HDAC7: variants seen among roughly 807,000 people sequenced by gnomAD.
The protein encoded by HDAC7 is histone deacetylase 7A.
Under a neutral mutation model 115.5 loss-of-function variants are expected in HDAC7, and 26 were observed. The ratio of observed to expected loss-of-function variants is 0.23; its 90% CI spans 0.16 to 0.31. HDAC7 has a LOEUF of 0.31. HDAC7 is among the 10% of genes least tolerant of loss of function. The pLI, the probability that HDAC7 is intolerant of heterozygous loss-of-function variation, is 1.00. For missense variants in HDAC7, 1,068 were observed against 1,329.0 expected (o/e 0.80, Z 3.05); for synonymous variants, 564 against 550.9 (o/e 1.02, Z -0.33).
At chr12:47,791,533 G>A (rs756682319) in intron 15 of HDAC7, 53 bp downstream of exon 15, 5 of 1,564,954 alleles carry the variant, frequency 3.2e-6, no homozygotes, top group Admixed American at 3.7e-5. Flanking sequence ...AGGAGTGCAT[G>A]GGAGCTGGGT....
At position 47,785,490 on chromosome 12, in the gene HDAC7, C is replaced by G. The variant is rs74085221; in HGVS notation, c.2707-19G>C. 7.2e-4 allele frequency: 1,159 copies of G among 1,599,118 alleles called. 14 individuals carry two copies. In the African/African-American group the frequency reaches 0.014, roughly 19 times the overall value. On this transcript the variant is annotated intron_variant, in intron 23 of 25. Transcript: ENST00000080059. ...GATCCACCTATAGAAAACAGTACAT[C>G]AGCCACCAGTCTCTCAGGGACCCAC...
In HDAC7 at chr12:47,798,120, C is replaced by A; in HGVS notation, c.449G>T (p.Gly150Val). ...LERTVHPNSP[G>V]IPYRTLEPLE... ...AGGAGGGTGTTACCTGTAGGGAATG[C>A]CGGGGCTGTTGGGATGGACTGTTCT... The change falls in exon 5 of 26, where the codon GGC (glycine) becomes GTC (valine). Residue 150 changes from glycine to valine, a missense_variant. This residue lies in a region of HDAC7 where 618 missense variants were observed against 701.5 expected (regional missense o/e 0.88). Transcript: ENST00000080059. This position sits in a 1 kb window ranked among gnomAD's most constrained non-coding sequence, Gnocchi z 4.3. 6.2e-7 allele frequency: 1 copy of A among 1,612,988 alleles called. No individual in the cohort carries two copies. The highest frequency in any genetic ancestry group is 8.5e-7 in the Non-Finnish European group (1 of 1,179,222).
chr12:47,784,483 C>G (rs1592622192), intron 24 of HDAC7: 1 of 602,068 alleles, frequency 1.7e-6, no homozygotes, highest in Admixed American at 3.1e-5. Flanking sequence ...CCTGTGGCTG[C>G]AAGGCCACCT....
chr12:47,789,924 C>CG lies in HDAC7; in HGVS notation c.1984-5dup, dbSNP rs1565797946. On this transcript the variant is annotated splice_polypyrimidine_tract_variant and splice_region_variant and intron_variant, in intron 16 of 25. Transcript: ENST00000080059. The stretch of plus-strand genomic sequence containing the variant: ...TCCAGATGGTGTCAGTGTCCACCTG[C>CG]GGGAGCCAGAGTCAGGGCCCGCATC... The CG allele has an allele frequency of 6.2e-7, 1 of 1,606,482 alleles. No homozygotes were observed.
intron 13 of HDAC7, chr12:47,792,819 T>C: frequency 2.6e-6 from 1 of 388,422 alleles, no homozygotes. Context: ...TAAAGACTAA[T>C]TATGCCAAGA....
chr12:47,787,947 A>G (rs1934756831), intron 20 of HDAC7, 98 bp downstream of exon 20: 4 of 1,571,090 alleles, frequency 2.5e-6, no homozygotes, highest in East Asian at 2.3e-5. Flanking sequence ...GAGGCTCAGC[A>G]GTCTGCCCAG....
At chr12:47,807,362 T>G (rs1386732340) in intron 1 of HDAC7, among the ~76,000 whole-genome samples, 1 of 152,206 alleles carries the variant, frequency 6.6e-6, no homozygotes, top group Non-Finnish European at 1.5e-5. Flanking sequence ...ACCCTACATT[T>G]GCTAACTTAT....
At chr12:47,796,109 C>A (rs562158619) in intron 8 of HDAC7, 93 bp from the exon 9 acceptor site, 1 of 1,507,004 alleles carries the variant, frequency 6.6e-7, no homozygotes, top group East Asian at 2.4e-5. Context: ...GCAGGGGCTG[C>A]CCAGACCCTG....
At chr12:47,789,400 T>C (rs928389745) in intron 18 of HDAC7, 52 bp from the exon 19 acceptor site, 2 of 1,578,468 alleles carry the variant, frequency 1.3e-6, no homozygotes, top group African/African-American at 2.7e-5. Context: ...TGCCCTCACC[T>C]CCCCAGGCCC....
Position 47,798,982 on chromosome 12 carries a change from G to A in HDAC7, c.71-10C>T, listed in dbSNP as rs1241627296. 6.8e-7 allele frequency: 1 copy of A among 1,480,616 alleles called. No homozygotes were observed. Among genetic ancestry groups the A allele is most frequent in the Admixed American group, 2.8e-5 (1 of 35,134 alleles). The allele number at this position is 1,480,616 out of a possible 1,614,324, so 91.7% of individuals were successfully genotyped here. Reference sequence around the variant, plus strand: ...CAGGGCCTGGGGCAGCCTAGGGACAGAGAGAGGGAGCAGGGTAAACTGGAA... The same window carrying A: ...CAGGGCCTGGGGCAGCCTAGGGACAAAGAGAGGGAGCAGGGTAAACTGGAA... On this transcript the variant is annotated splice_polypyrimidine_tract_variant and intron_variant, in intron 2 of 25. Transcript: ENST00000080059. This position sits in a 1 kb window ranked among gnomAD's most constrained non-coding sequence, Gnocchi z 4.3.
At position 47,798,133 on chromosome 12, in the gene HDAC7, G is replaced by A; in HGVS notation, c.436C>T (p.Pro146Ser). Residue 146 changes from proline (P) to serine (S), a missense_variant, in exon 5 of 26, where the codon CCC becomes TCC. Pro to Ser is a moderately conservative substitution (Grantham distance 74, BLOSUM62 -1). This residue lies in a region of HDAC7 where 618 missense variants were observed against 701.5 expected (regional missense o/e 0.88). Transcript: ENST00000080059. The surrounding 1 kb of genome is among the most constrained non-coding windows in gnomAD (Gnocchi z 4.3). ...CTGTAGGGAATGCCGGGGCTGTTGG[G>A]ATGGACTGTTCTTTCTAGGGCCGCC... ...QQAALERTVH[P>S]NSPGIPYRTL... 1.2e-6 allele frequency: 2 copies of A among 1,613,780 alleles called. No homozygotes were observed. The highest frequency in any genetic ancestry group is 1.7e-6 in the Non-Finnish European group (2 of 1,179,804).
intron 2 of HDAC7, among the ~76,000 whole-genome samples, chr12:47,801,990 G>A (rs1170562559): frequency 6.6e-6 from 1 of 152,102 alleles, no homozygotes; most frequent in African/African-American, 2.4e-5. Flanking sequence ...GACAAGACGG[G>A]CATCCTGTGT....
chr12:47,809,816 C>G (rs745308528), intron 1 of HDAC7, among the ~76,000 whole-genome samples: 10 of 152,206 alleles, frequency 6.6e-5, no homozygotes, highest in Non-Finnish European at 1.2e-4. Context: ...AGTGATCCGC[C>G]CACCTCTGCC....
chr12:47,793,579 A>T lies in HDAC7; in HGVS notation c.1468T>A (p.Trp490Arg). 1 of 1,539,752 alleles carries T rather than the reference A, an allele frequency of 6.5e-7. No homozygotes were observed. Among genetic ancestry groups the T allele is most frequent in the Non-Finnish European group, 8.8e-7 (1 of 1,141,338 alleles). ...CGCCCAGCCAGTCGCTGCTGTTCCC[A>T]GAGCAACACCTAGGGGAAAGATGGG... ...PLQQHPQVLL[W>R]EQQRLAGRLP... is the part of the protein sequence containing the mutation. The change falls in exon 13 of 26, where the codon TGG becomes AGG. Residue 490 changes from tryptophan (W) to arginine (R), a missense_variant. Trp to Arg is a moderately radical substitution (Grantham distance 101). Coordinates refer to ENST00000080059, the MANE Select transcript of HDAC7 (RefSeq NM_015401.5). The surrounding 1 kb of genome is among the most constrained non-coding windows in gnomAD (Gnocchi z 4.5).
intron 19 of HDAC7, chr12:47,788,717 G>T (rs1283435072): frequency 6.5e-6 from 1 of 153,996 alleles, no homozygotes; most frequent in African/African-American, 2.4e-5. Flanking sequence ...TGTCAGTGCA[G>T]AAGGGACATA....
At position 47,785,396 on chromosome 12, in the gene HDAC7, G is replaced by A. The variant is rs778754258; in HGVS notation, c.2782C>T (p.Arg928Trp). Residue 928 changes from arginine to tryptophan, a missense_variant, in exon 24 of 26, where the codon CGG becomes TGG. This residue lies in a region of HDAC7 where 98 missense variants were observed against 123.9 expected (regional missense o/e 0.79). Transcript: ENST00000080059. ...CCATCTCCACACTTACTGTGCACCC[G>A]GATCACGGCCTCCAGAGAGCGGATG... ...NAIRSLEAVIRVHSKYWGCMQ... is the reference protein window; with the variant it reads ...NAIRSLEAVIWVHSKYWGCMQ... The A allele has an allele frequency of 1.2e-5, 19 of 1,609,578 alleles. No individual in the cohort carries two copies. The highest frequency in any genetic ancestry group is 1.7e-4 in the Middle Eastern group (1 of 6,060).
chr12:47,793,622 T>C lies in HDAC7; in HGVS notation c.1459-34A>G. The C allele has an allele frequency of 6.8e-7, 1 of 1,480,836 alleles. No homozygotes were observed. Among genetic ancestry groups the C allele is most frequent in the Non-Finnish European group, 9.1e-7 (1 of 1,098,532 alleles). 91.7% of individuals were successfully genotyped at this position (1,480,836 alleles called of 1,614,324 possible). On this transcript the variant is annotated intron_variant, in intron 12 of 25. Transcript: ENST00000080059. This position sits in a 1 kb window ranked among gnomAD's most constrained non-coding sequence, Gnocchi z 4.5. ...AAGATGGGGCCTTGGTCTCCAGTGT[T>C]TCAGGGTCCTGCTCCCTCTACTTCT...
At position 47,793,342 on chromosome 12, in the gene HDAC7, C is replaced by CA; in HGVS notation, c.1678+26dup. The CA allele has an allele frequency of 1.4e-6, 2 of 1,397,876 alleles. No homozygotes were observed. Among genetic ancestry groups the CA allele is most frequent in the Non-Finnish European group, 1.9e-6 (2 of 1,033,340 alleles). 86.6% of individuals were successfully genotyped at this position (1,397,876 alleles called of 1,614,324 possible). On this transcript the variant is annotated intron_variant, in intron 13 of 25. Transcript: ENST00000080059. The surrounding 1 kb of genome is among the most constrained non-coding windows in gnomAD (Gnocchi z 4.5). ...ACTCGTGCAGCCGAGCCCCTCCCTC[C>CA]ACCCGCCACCCTCCTCCCGGTCTCA...
chr12:47,792,660 T>C (rs1362085230), intron 13 of HDAC7: 1 of 455,918 alleles, frequency 2.2e-6, no homozygotes, highest in East Asian at 6.9e-5. Context: ...GCTACTTCTT[T>C]AGAGTGAACC....
Sources: gnomAD v4.1 joint callset for allele counts (sites outside exome capture counted in the v4.1 genomes callset) on GRCh38, gnomAD v4.1.1 for gene constraint, gnomAD v4.1.1 regional missense constraint, Gnocchi (gnomAD v3.1) non-coding constraint, MANE v1.5 for transcripts, NCBI Gene and HGNC (gene_info 2026-07-23, HGNC 2026-07-21) for gene names.